Variants in MAPRE2 observed in about 807,000 individuals in gnomAD.
MAPRE2 encodes microtubule-associated protein RP/EB family member 2.
Under a neutral mutation model 43.2 loss-of-function variants are expected in MAPRE2, and 13 were observed. The ratio of observed to expected loss-of-function variants is 0.30; its 90% CI spans 0.20 to 0.48. The LOEUF is 0.48. Ranked by LOEUF, MAPRE2 falls within the 20% of genes least tolerant of loss-of-function variation. The probability of loss-of-function intolerance (pLI) is 0.99; values close to 1 mark genes in which losing one functional copy is unlikely to be tolerated. For missense variants in MAPRE2, 161 were observed against 400.2 expected, an observed-to-expected ratio of 0.40 and a Z score of 5.10; for synonymous variants, 135 against 148.8, an observed-to-expected ratio of 0.91 and a Z score of 0.68.
chr18:35,004,661 T>C lies in MAPRE2; in HGVS notation c.-69-831T>C, dbSNP rs180918517. 4.8e-3 allele frequency among the ~76,000 whole-genome samples: 738 copies of C among 152,346 alleles called. 8 individuals are homozygous for C. Among genetic ancestry groups the C allele is most frequent in the African/African-American group, 0.017 (704 of 41,594 alleles). On this transcript the variant is annotated intron_variant, in intron 1 of 7. Transcript: ENST00000413393. ...GGCTGTGCACGGTGGCTTACGCCTG[T>C]AATCCCAGCACTTTGGGAAGCCAAG... is the stretch of plus-strand genomic sequence containing the variant.
intron 4 of MAPRE2, among the ~76,000 whole-genome samples, chr18:35,124,434 C>A (rs976518706): frequency 6.6e-6 from 1 of 152,134 alleles, no homozygotes; most frequent in African/African-American, 2.4e-5. Flanking sequence ...GGGGACACAG[C>A]CAAACCACGT....
At chr18:35,044,137 C>A (rs184090125) in intron 1 of MAPRE2, among the ~76,000 whole-genome samples, 1 of 152,168 alleles carries the variant, frequency 6.6e-6, no homozygotes, top group Non-Finnish European at 1.5e-5. Flanking sequence ...GTTGAGTGAG[C>A]CCAGTTCCCT....
intron 1 of MAPRE2, among the ~76,000 whole-genome samples, chr18:35,066,136 CTGAG>C (rs1319405347): frequency 6.6e-5 from 10 of 152,194 alleles, no homozygotes; most frequent in African/African-American, 2.4e-4. Context: ...TCTTTCTTGA[CTGAG>C]TCTTTGGGAA....
At chr18:34,989,720 C>CT (rs553500448) in intron 1 of MAPRE2, among the ~76,000 whole-genome samples, 26 of 146,392 alleles carry the variant, frequency 1.8e-4, no homozygotes, top group Middle Eastern at 3.6e-3. Context: ...CTCTCTCTGT[C>CT]TTTTTTTTTT....
intron 2 of MAPRE2, among the ~76,000 whole-genome samples, chr18:35,011,600 G>C (rs2097034701): frequency 6.6e-6 from 1 of 152,140 alleles, no homozygotes; most frequent in Non-Finnish European, 1.5e-5. Context: ...CACTCTGATG[G>C]CTGTGTAAAG....
Position 35,069,359 on chromosome 18 carries a change from T to A in MAPRE2, c.123-836T>A, listed in dbSNP as rs539428804. 2.0e-5 allele frequency among the ~76,000 whole-genome samples: 3 copies of A among 149,868 alleles called. No individual in the cohort carries two copies. The South Asian group carries it at 6.3e-4, about 32-fold the overall frequency. On this transcript the variant is annotated intron_variant, in intron 1 of 6. Coordinates refer to ENST00000300249, the MANE Select transcript of MAPRE2 (RefSeq NM_014268.4). ...TATTTGATATAAGTAATTATTTTCA[T>A]TTTTAGGTGTGATAATATTCTGTTT...
At chr18:35,041,296 G>A (rs1444475709), upstream of MAPRE2, 11 of 1,403,536 alleles carry the variant, frequency 7.8e-6, no homozygotes, top group East Asian at 2.7e-5. Context: ...GAGGTGATGA[G>A]TTAGCGGGTT....
chr18:35,114,506 C>T (rs772899493), intron 4 of MAPRE2, among the ~76,000 whole-genome samples: 25 of 152,088 alleles, frequency 1.6e-4, no homozygotes, highest in Admixed American at 1.3e-4. Context: ...CTTATTAGCT[C>T]AAAAGCAGAA....
chr18:35,079,994 T>G (rs1486175167), intron 2 of MAPRE2, among the ~76,000 whole-genome samples: 1 of 152,250 alleles, frequency 6.6e-6, no homozygotes, highest in Non-Finnish European at 1.5e-5. Flanking sequence ...TAATAAGTGC[T>G]GTATTCAAAG....
intron 2 of MAPRE2, among the ~76,000 whole-genome samples, chr18:35,009,347 T>C (rs1276027763): frequency 1.3e-5 from 2 of 152,010 alleles, no homozygotes; most frequent in African/African-American, 4.8e-5. Flanking sequence ...GATATAGAGG[T>C]GACCAAGGCA....
chr18:35,036,198 C>T (rs2097050488), intron 2 of MAPRE2, among the ~76,000 whole-genome samples: 1 of 152,020 alleles, frequency 6.6e-6, no homozygotes, highest in Non-Finnish European at 1.5e-5. Context: ...TCATTACCCA[C>T]TCTTAACTCC....
chr18:35,117,386 G>A (rs979121868), intron 4 of MAPRE2, among the ~76,000 whole-genome samples: 2 of 152,194 alleles, frequency 1.3e-5, no homozygotes, highest in Non-Finnish European at 2.9e-5. Context: ...AAAAACAACC[G>A]CAAACACTGG....
intron 1 of MAPRE2, among the ~76,000 whole-genome samples, chr18:35,045,226 A>G (rs1206157084): frequency 6.6e-6 from 1 of 152,212 alleles, no homozygotes. Flanking sequence ...TCACAGAGCG[A>G]ATGAGTCGTG....
chr18:35,139,897 G>C (rs540435932), intron 6 of MAPRE2, among the ~76,000 whole-genome samples: 40 of 152,338 alleles, frequency 2.6e-4, no homozygotes, highest in African/African-American at 9.6e-4. Context: ...ATACCATGGA[G>C]GCCAGGGGTG....
intron 1 of MAPRE2, among the ~76,000 whole-genome samples, chr18:35,061,043 T>G (rs1172811758): frequency 6.6e-6 from 1 of 152,178 alleles, no homozygotes; most frequent in Non-Finnish European, 1.5e-5. Context: ...AGAGTATTAT[T>G]TTTATGTTCA....
At chr18:34,990,974 T>A (rs906746499) in intron 1 of MAPRE2, among the ~76,000 whole-genome samples, 26 of 152,188 alleles carry the variant, frequency 1.7e-4, no homozygotes, top group African/African-American at 3.1e-4. Flanking sequence ...TGGGGACAGA[T>A]AATCTGATGG....
At chr18:35,026,709 C>T (rs2097045431) in intron 2 of MAPRE2, among the ~76,000 whole-genome samples, 1 of 152,184 alleles carries the variant, frequency 6.6e-6, no homozygotes, top group Admixed American at 6.5e-5. Context: ...CCCCGCTGTT[C>T]CTGTGCCAAG....
intron 2 of MAPRE2, chr18:35,005,625 C>A: frequency 1.1e-6 from 1 of 893,994 alleles, no homozygotes; most frequent in Non-Finnish European, 1.7e-6. Context: ...GTAATATTGT[C>A]ATTGTAACAA....
intron 1 of MAPRE2, among the ~76,000 whole-genome samples, chr18:35,065,805 C>T (rs893287673): frequency 2.0e-5 from 3 of 152,178 alleles, no homozygotes; most frequent in Admixed American, 1.3e-4. Flanking sequence ...CCACCCGCCT[C>T]GGCCTCCCAA....
Sources: allele counts gnomAD v4.1 joint callset (sites outside exome capture counted in the v4.1 genomes callset), GRCh38; gene constraint gnomAD v4.1.1; transcripts MANE v1.5; gene names NCBI Gene and HGNC (gene_info 2026-07-23, HGNC 2026-07-21).